CDC6: variants seen among roughly 807,000 people sequenced by gnomAD.
The protein encoded by CDC6 is DNA replication factor CDC6.
Under a neutral mutation model 60.2 loss-of-function variants are expected in CDC6, and 46 were observed. The ratio of observed to expected loss-of-function variants is 0.76; its 90% CI spans 0.60 to 0.98. The LOEUF is 0.98. Ranked by LOEUF, CDC6 falls within the 50% of genes least tolerant of loss-of-function variation. CDC6 has a pLI of 0.00. For missense variants in CDC6, 596 were observed against 652.9 expected, an observed-to-expected ratio of 0.91 and a Z score of 0.95; for synonymous variants, 210 against 233.2, an observed-to-expected ratio of 0.90 and a Z score of 0.90.
At chr17:40,292,066 G>A (rs911233235) in intron 4 of CDC6, among the ~76,000 whole-genome samples, 1 of 151,818 alleles carries the variant, frequency 6.6e-6, no homozygotes, top group East Asian at 1.9e-4. Flanking sequence ...TTTGAAACAG[G>A]GTCTCTGTTG....
chr17:40,288,011 G>A lies in CDC6; in HGVS notation c.-93G>A, dbSNP rs750348804. The stretch of plus-strand genomic sequence containing the variant: ...GGATCCTGCACTGAGGAGGTGGAAA[G>A]AAGAGGATTGCTCGAGGAGGCCTGG... On this transcript the variant is annotated 5_prime_UTR_variant, in exon 1 of 12. Coordinates refer to ENST00000209728, the MANE Select transcript of CDC6 (RefSeq NM_001254.4). The A allele has an allele frequency of 6.5e-6, 1 of 153,922 alleles. No homozygotes were observed. Among genetic ancestry groups the A allele is most frequent in the Non-Finnish European group, 1.5e-5 (1 of 68,906 alleles). 9.5% of individuals were successfully genotyped at this position (153,922 alleles called of 1,614,324 possible). A position where few individuals can be genotyped will look rare whatever the true frequency, so the allele number is the denominator to read the frequency against.
At chr17:40,301,873 A>G (rs766742748) in intron 11 of CDC6, 39 bp from the exon 12 acceptor site, 1 of 1,328,266 alleles carries the variant, frequency 7.5e-7, no homozygotes. Flanking sequence ...TGCTTTTGTG[A>G]GTTCCCCAGT....
intron 4 of CDC6, among the ~76,000 whole-genome samples, 182 bp from the exon 5 acceptor site, chr17:40,293,274 A>G (rs745733920): frequency 3.3e-5 from 5 of 152,196 alleles, no homozygotes; most frequent in African/African-American, 4.8e-5. Context: ...AAGAAAGAGT[A>G]GAAGTTTAGA....
rs67162965 is a variant in CDC6, at chr17:40,299,138, C to CTTTTTTTTTTTTTTTTTTTTTT, written c.1250-1683_1250-1662dup. 1.3e-4 allele frequency among the ~76,000 whole-genome samples: 8 copies of CTTTTTTTTTTTTTTTTTTTTTT among 60,780 alleles called. 1 individual carries two copies. Among genetic ancestry groups the CTTTTTTTTTTTTTTTTTTTTTT allele is most frequent in the Non-Finnish European group, 1.8e-4 (6 of 32,628 alleles). The allele number at this position is 60,780 out of a possible 152,430, so 39.9% of individuals were successfully genotyped here. On this transcript the variant is annotated intron_variant, in intron 9 of 11. Transcript: ENST00000209728. ...CATCTCCAAACGATAAGGCCATAGT[C>CTTTTTTTTTTTTTTTTTTTTTT]TTTTTTTTTTTTTTTTTTTTTTTTT...
chr17:40,289,630 G>C (rs756764603), intron 2 of CDC6, 32 bp downstream of exon 2: 2 of 1,571,580 alleles, frequency 1.3e-6, no homozygotes, highest in South Asian at 2.2e-5. Flanking sequence ...TTTTTCACTA[G>C]CAGCTCGTGA....
intron 4 of CDC6, 77 bp downstream of exon 4, chr17:40,291,745 T>G: frequency 2.1e-6 from 3 of 1,456,018 alleles, no homozygotes; most frequent in Non-Finnish European, 2.9e-6. Context: ...TTGTTTTGTT[T>G]TGTTTTGTTT....
At chr17:40,301,869 T>TG in intron 11 of CDC6, 43 bp from the exon 12 acceptor site, 1 of 1,314,364 alleles carries the variant, frequency 7.6e-7, no homozygotes, top group Non-Finnish European at 1.1e-6. Context: ...ACTTTGCTTT[T>TG]GTGAGTTCCC....
At chr17:40,293,800 G>T in intron 5 of CDC6, 150 bp from the exon 6 acceptor site, 1 of 872,368 alleles carries the variant, frequency 1.1e-6, no homozygotes, top group East Asian at 2.5e-5. Context: ...TAGATGATGT[G>T]GGGTATCCTT....
rs774472761 is a variant in CDC6 at position 40,301,936 on chromosome 17, G to A, written c.1618G>A (p.Glu540Lys). ...GGTGTTTTTCAAGATTGAAGAGAAAGAAATAGAACATGCTCTGAAAGATAA... is the reference window on the plus strand; with the variant it reads ...GGTGTTTTTCAAGATTGAAGAGAAAAAAATAGAACATGCTCTGAAAGATAA... ...TKVFFKIEEK[E>K]IEHALKDKAL... Residue 540 changes from glutamate to lysine, a missense_variant, in exon 12 of 12, where the codon GAA (glutamate) becomes AAA (lysine). Coordinates refer to ENST00000209728, the MANE Select transcript of CDC6 (RefSeq NM_001254.4). The A allele has an allele frequency of 6.3e-6, 10 of 1,597,064 alleles. No homozygotes were observed. The highest frequency in any genetic ancestry group is 4.0e-5 in the African/African-American group (3 of 74,580).
chr17:40,293,792 G>T (rs911685852), intron 5 of CDC6, among the ~76,000 whole-genome samples, 158 bp from the exon 6 acceptor site: 11 of 152,234 alleles, frequency 7.2e-5, no homozygotes, highest in Non-Finnish European at 1.5e-4. Flanking sequence ...ATTACTTATA[G>T]ATGATGTGGG....
At chr17:40,291,413 TG>T (rs1480178633) in intron 3 of CDC6, 55 bp from the exon 4 acceptor site, 2 of 1,611,466 alleles carry the variant, frequency 1.2e-6, no homozygotes, top group African/African-American at 2.7e-5. Context: ...AACCACCCAC[TG>T]GGTCTTCTCA....
At chr17:40,294,643 T>C (rs761383618) in intron 7 of CDC6, 140 bp downstream of exon 7, 9 of 748,116 alleles carry the variant, frequency 1.2e-5, no homozygotes, top group Non-Finnish European at 1.9e-5. Flanking sequence ...AGTGAGAACA[T>C]TTTTATGTGA....
At chr17:40,289,700 CTTCTT>C in intron 2 of CDC6, 102 bp downstream of exon 2, 3 of 490,902 alleles carry the variant, frequency 6.1e-6, no homozygotes, top group Admixed American at 3.3e-5. Context: ...TCAGTTAAGA[CTTCTT>C]TTTTTTTTTT....
At chr17:40,293,908 T>G in intron 5 of CDC6, 42 bp from the exon 6 acceptor site, 1 of 1,508,532 alleles carries the variant, frequency 6.6e-7, no homozygotes, top group Non-Finnish European at 9.2e-7. Flanking sequence ...ATTAGAGGGT[T>G]AAGAAGGTGA....
rs952486244 is a variant in CDC6, at chr17:40,294,625, T to C, written c.1083+122T>C. The C allele has an allele frequency of 3.6e-6, 3 of 828,328 alleles. No homozygotes were observed. In the African/African-American group the frequency reaches 5.1e-5, roughly 14 times the overall value. The allele number at this position is 828,328 out of a possible 1,614,324, so 51.3% of individuals were successfully genotyped here. The stretch of plus-strand genomic sequence containing the variant: ...TTATTAATGGAGCAAGGAGTTCCTA[T>C]GGACCATAGTGAGAACATTTTTATG... On this transcript the variant is annotated intron_variant, in intron 7 of 11. Transcript: ENST00000209728.
At chr17:40,293,402 G>T in intron 4 of CDC6, 54 bp from the exon 5 acceptor site, 1 of 1,402,416 alleles carries the variant, frequency 7.1e-7, no homozygotes, top group South Asian at 1.2e-5. Context: ...GGCTCTATCA[G>T]ATCTTTATTT....
intron 2 of CDC6, 116 bp downstream of exon 2, chr17:40,289,714 T>TG: frequency 1.3e-6 from 1 of 793,030 alleles, no homozygotes; most frequent in East Asian, 2.8e-5. Flanking sequence ...TTTTTTTTTT[T>TG]TTTTTTTTTT....
At position 40,291,645 on chromosome 17, in the gene CDC6, A is replaced by G; in HGVS notation, c.637A>G (p.Ser213Gly). The G allele has an allele frequency of 6.2e-7, 1 of 1,614,242 alleles. No individual in the cohort carries two copies. The highest frequency in any genetic ancestry group is 8.5e-7 in the Non-Finnish European group (1 of 1,180,036). ...APGTGKTACLSRILQDLKKEL... is the reference protein window; with the variant it reads ...APGTGKTACLGRILQDLKKEL... ...TGGAACTGGAAAAACTGCCTGCTTA[A>G]GCCGGATTCTGCAAGACCTCAAGGT... Residue 213 changes from serine (S) to glycine (G), a missense_variant, in exon 4 of 12, where the codon AGC becomes GGC. Physicochemically the swap from Ser to Gly is moderately conservative, Grantham distance 56 (BLOSUM62 0). Transcript: ENST00000209728.
intron 9 of CDC6, 44 bp downstream of exon 9, chr17:40,296,811 C>T: frequency 8.1e-7 from 1 of 1,227,362 alleles, no homozygotes; most frequent in Non-Finnish European, 1.2e-6. Context: ...TAACTAGAAG[C>T]TTAGCTTTTC....
Sources: gnomAD v4.1 joint callset for allele counts (sites outside exome capture counted in the v4.1 genomes callset) on GRCh38, gnomAD v4.1.1 for gene constraint, MANE v1.5 for transcripts, NCBI Gene and HGNC (gene_info 2026-07-23, HGNC 2026-07-21) for gene names.